Variants in ZCCHC14 observed in about 807,000 individuals in gnomAD.
ZCCHC14 encodes zinc finger CCHC domain-containing protein 14.
A neutral mutation model predicts 85.0 loss-of-function variants in ZCCHC14; 16 were observed. The ratio of observed to expected loss-of-function variants is 0.19; its 90% CI spans 0.13 to 0.29. The LOEUF is 0.29. Ranked by LOEUF, ZCCHC14 falls within the 10% of genes least tolerant of loss-of-function variation. The pLI is 1.00. For missense variants in ZCCHC14, 1,303 were observed against 1,443.5 expected (o/e 0.90, Z 1.58); for synonymous variants, 775 against 630.7 (o/e 1.23, Z -3.43).
chr16:87,474,620 T>G (rs1199600970), intron 1 of ZCCHC14, among the ~76,000 whole-genome samples: 1 of 152,144 alleles, frequency 6.6e-6, no homozygotes, highest in African/African-American at 2.4e-5. Flanking sequence ...AGCTGAGCAC[T>G]GCACGGGTTT....
At chr16:87,489,962 A>C (rs1018628727) in intron 1 of ZCCHC14, among the ~76,000 whole-genome samples, 4 of 152,182 alleles carry the variant, frequency 2.6e-5, no homozygotes, top group African/African-American at 9.7e-5. Flanking sequence ...CATGAAACTG[A>C]CCATAAATGA....
Position 87,491,732 on chromosome 16 carries a change from G to A in ZCCHC14, c.507C>T (p.Gly169=). Residue 169 remains glycine, a synonymous_variant, in exon 1 of 13, where the codon GGC becomes GGT. Coordinates refer to ENST00000671377, the MANE Select transcript of ZCCHC14 (RefSeq NM_015144.3). The surrounding 1 kb of genome is among the most constrained non-coding windows in gnomAD (Gnocchi z 5.9). ...QIQSSLNGGG[G]HGGKGAPGPG... Reference sequence around the variant, plus strand: ...GCCCGGGCGCGCCCTTGCCGCCGTGGCCCCCGCCGCCGTTCAGGCTGCTCT... The same window carrying A: ...GCCCGGGCGCGCCCTTGCCGCCGTGACCCCCGCCGCCGTTCAGGCTGCTCT... The A allele has an allele frequency of 3.2e-6, 5 of 1,567,932 alleles. 1 individual carries two copies. In the South Asian group the frequency reaches 5.8e-5, roughly 18 times the overall value.
In ZCCHC14 at chr16:87,435,123, C is replaced by T. The variant is rs759945127; in HGVS notation, c.695-1922G>A. Among the ~76,000 whole-genome samples the T allele has an allele frequency of 1.1e-3, 167 of 151,628 alleles. 1 individual carries two copies. Among genetic ancestry groups the T allele is most frequent in the Non-Finnish European group, 1.9e-3 (129 of 67,948 alleles). ...CTACAGTACATTATAATTTTTTAAA[C>T]GATTCCCCACATTTTTTGGCAACTT... On this transcript the variant is annotated intron_variant, in intron 2 of 12. Transcript: ENST00000671377.
intron 8 of ZCCHC14, among the ~76,000 whole-genome samples, chr16:87,415,955 T>C (rs1384523414): frequency 6.6e-6 from 1 of 152,042 alleles, no homozygotes; most frequent in Non-Finnish European, 1.5e-5. Flanking sequence ...GAGACGGAGT[T>C]TCACTCTGTC....
Position 87,414,464 on chromosome 16 carries a change from G to C in ZCCHC14, c.1553C>G (p.Pro518Arg). ...VTSSGVARVP[P>R]TSHVGPVQSG... The stretch of plus-strand genomic sequence containing the variant: ...CTGCACGGGCCCGACGTGGCTGGTG[G>C]GGGGCACTCGAGCCACACCACTGCT... Residue 518 changes from proline to arginine, a missense_variant, in exon 10 of 13, where the codon CCC (proline) becomes CGC (arginine). Pro to Arg is a moderately radical substitution (Grantham distance 103). Transcript: ENST00000671377. 6.2e-7 allele frequency: 1 copy of C among 1,613,182 alleles called. No individual in the cohort carries two copies. Among genetic ancestry groups the C allele is most frequent in the Non-Finnish European group, 8.5e-7 (1 of 1,179,954 alleles).
At chr16:87,411,270 C>G (rs1908419732) in intron 12 of ZCCHC14, 14 of 1,128,330 alleles carry the variant, frequency 1.2e-5, no homozygotes, top group Non-Finnish European at 1.6e-5. Flanking sequence ...CAGGGAGGCC[C>G]TGTCCACACT....
chr16:87,441,745 T>C (rs1910195360), intron 2 of ZCCHC14, among the ~76,000 whole-genome samples: 2 of 152,218 alleles, frequency 1.3e-5, no homozygotes, highest in Non-Finnish European at 2.9e-5. Context: ...AAGGCACTCT[T>C]ATAAAGTTGT....
rs1319880007 is a variant in ZCCHC14, at chr16:87,472,241, A to T, written c.571-12110T>A. 2.0e-5 allele frequency: 3 copies of T among 152,338 alleles called. No individual in the cohort carries two copies. In the East Asian group the frequency reaches 5.8e-4, roughly 29 times the overall value. 9.4% of individuals were successfully genotyped at this position (152,338 alleles called of 1,614,324 possible). A position where few individuals can be genotyped will look rare whatever the true frequency, so the allele number is the denominator to read the frequency against. On this transcript the variant is annotated intron_variant, in intron 1 of 12. Coordinates refer to ENST00000671377, the MANE Select transcript of ZCCHC14 (RefSeq NM_015144.3). ...GCCCCCATCACTAGTCGTGCGACAC[A>T]AGTGATGTGGCATTTCCAAGCCTGT...
rs181322105 is a variant in ZCCHC14, at chr16:87,452,892, C to T, written c.694+7116G>A. ...ATGCCTTCCAGCAGCGTGGCTGTGA[C>T]GTGACAGGGAGGAGGGCTCAGGTGG... On this transcript the variant is annotated intron_variant, in intron 2 of 12. Coordinates refer to ENST00000671377, the MANE Select transcript of ZCCHC14 (RefSeq NM_015144.3). Among the ~76,000 whole-genome samples, 33 of 152,324 alleles carry T rather than the reference C, an allele frequency of 2.2e-4. No individual in the cohort carries two copies. In the East Asian group the frequency reaches 6.0e-3, roughly 28 times the overall value.
At chr16:87,481,529 G>A (rs1567544324) in intron 1 of ZCCHC14, among the ~76,000 whole-genome samples, 536 of 20,514 alleles carry the variant, frequency 0.026, 35 homozygotes, top group Non-Finnish European at 0.063. Context: ...AGAGAAACGG[G>A]GGGGGGGGGG....
At chr16:87,480,119 T>TAGGG (rs1912198742) in intron 1 of ZCCHC14, among the ~76,000 whole-genome samples, 1 of 151,710 alleles carries the variant, frequency 6.6e-6, no homozygotes, top group African/African-American at 2.4e-5. Context: ...AATAAGAAAG[T>TAGGG]AGGGCCAGGC....
chr16:87,467,602 C>A, intron 1 of ZCCHC14: 1 of 1,287,300 alleles, frequency 7.8e-7, no homozygotes, highest in Non-Finnish European at 1.1e-6. Context: ...TGTCAAGGAT[C>A]TGGAGATGAC....
chr16:87,487,551 G>A (rs899294870), intron 1 of ZCCHC14, among the ~76,000 whole-genome samples: 2 of 152,220 alleles, frequency 1.3e-5, no homozygotes, highest in African/African-American at 4.8e-5. Context: ...ACACAGCTCT[G>A]CACACGGCAC....
intron 2 of ZCCHC14, among the ~76,000 whole-genome samples, chr16:87,442,004 C>CAG (rs1910208854): frequency 6.6e-6 from 1 of 152,228 alleles, no homozygotes; most frequent in South Asian, 2.1e-4. Flanking sequence ...AAGTGCACAG[C>CAG]AGAGAGGGCT....
At chr16:87,434,390 C>A (rs1409612928) in intron 2 of ZCCHC14, among the ~76,000 whole-genome samples, 1 of 152,210 alleles carries the variant, frequency 6.6e-6, no homozygotes, top group African/African-American at 2.4e-5. Flanking sequence ...CGCCAGGAGC[C>A]CCACGCCGAG....
At chr16:87,421,330 C>A (rs1053356061) in intron 4 of ZCCHC14, among the ~76,000 whole-genome samples, 14 of 152,172 alleles carry the variant, frequency 9.2e-5, no homozygotes, top group African/African-American at 3.4e-4. Context: ...GAGCCCAAAC[C>A]AAAGGCCCGG....
chr16:87,473,239 T>G (rs8054161), intron 1 of ZCCHC14: 81,409 of 150,754 alleles, frequency 0.54, 24,453 homozygotes, highest in African/African-American at 0.78. Flanking sequence ...TTTCGCTCTT[T>G]TTCCCCAGGC....
Position 87,420,593 on chromosome 16 carries a change from G to T in ZCCHC14, c.950+14C>A. 1 of 1,606,562 alleles carries T rather than the reference G, an allele frequency of 6.2e-7. No individual in the cohort carries two copies. The highest frequency in any genetic ancestry group is 8.5e-7 in the Non-Finnish European group (1 of 1,175,722). On this transcript the variant is annotated intron_variant, in intron 5 of 12. Coordinates refer to ENST00000671377, the MANE Select transcript of ZCCHC14 (RefSeq NM_015144.3). This position sits in a 1 kb window ranked among gnomAD's most constrained non-coding sequence, Gnocchi z 5.0. Reference sequence around the variant, plus strand: ...CCAGCTGTGGACGCGCCGGGTGCCTGGTAAGGGCCTCACCTCAGGCCTGAG... The same window carrying T: ...CCAGCTGTGGACGCGCCGGGTGCCTTGTAAGGGCCTCACCTCAGGCCTGAG...
intron 4 of ZCCHC14, among the ~76,000 whole-genome samples, chr16:87,421,039 C>T (rs972848534): frequency 6.6e-6 from 1 of 152,246 alleles, no homozygotes; most frequent in Admixed American, 6.5e-5. Context: ...CAAGCCAGGG[C>T]ACAAGGCCCT....
Sources: allele counts gnomAD v4.1 joint callset (sites outside exome capture counted in the v4.1 genomes callset), GRCh38; gene constraint gnomAD v4.1.1; non-coding constraint Gnocchi (gnomAD v3.1); transcripts MANE v1.5; gene names NCBI Gene and HGNC (gene_info 2026-07-23, HGNC 2026-07-21).